The following EXOC4 variants were observed in gnomAD, a reference collection of about 807,000 sequenced individuals.
EXOC4 encodes the protein SEC8-like 1.
A neutral mutation model predicts 107.2 loss-of-function variants in EXOC4; 71 were observed. The observed-to-expected ratio is 0.66, with a 90% confidence interval of 0.55 to 0.81. The LOEUF is 0.81. EXOC4 is among the 30% of genes least tolerant of loss of function. The pLI is 0.00. For missense variants in EXOC4, 1,108 were observed against 1,189.6 expected (o/e 0.93, Z 1.01); for synonymous variants, 456 against 441.2 (o/e 1.03, Z -0.42).
chr7:133,492,193 A>T (rs1197824563), intron 9 of EXOC4, among the ~76,000 whole-genome samples: 1 of 152,160 alleles, frequency 6.6e-6, no homozygotes, highest in Non-Finnish European at 1.5e-5. Context: ...TTGTTATTTC[A>T]GGTGAGAGCT....
At chr7:133,389,122 A>G (rs887786797) in intron 7 of EXOC4, among the ~76,000 whole-genome samples, 3 of 152,140 alleles carry the variant, frequency 2.0e-5, no homozygotes, top group African/African-American at 7.2e-5. Flanking sequence ...ATGAATTGGT[A>G]GAGGAGAAAT....
chr7:134,084,707 C>T, the EXOC4 span, among the ~76,000 whole-genome samples: 12 of 94,832 alleles, frequency 1.3e-4, no homozygotes, highest in African/African-American at 8.6e-4. Context: ...TTGGTGCAGC[C>T]GTAAAAAAAA....
At chr7:133,438,350 T>C (rs1337771249) in intron 7 of EXOC4, among the ~76,000 whole-genome samples, 1 of 152,196 alleles carries the variant, frequency 6.6e-6, no homozygotes, top group Non-Finnish European at 1.5e-5. Flanking sequence ...AAATAGTTCT[T>C]ATATTAGTTT....
At chr7:134,070,738 C>G (rs1255316043), downstream of EXOC4, among the ~76,000 whole-genome samples, 2 of 151,798 alleles carry the variant, frequency 1.3e-5, no homozygotes, top group Admixed American at 1.3e-4. Context: ...CACATGCATA[C>G]TATTAAGATG....
At chr7:133,514,224 G>A (rs1050073626) in intron 9 of EXOC4, among the ~76,000 whole-genome samples, 28 of 151,744 alleles carry the variant, frequency 1.8e-4, no homozygotes, top group African/African-American at 6.8e-4. Context: ...GAGTGCATTG[G>A]CGCGATCTCA....
intron 10 of EXOC4, among the ~76,000 whole-genome samples, chr7:133,652,264 T>G (rs1803176258): frequency 6.6e-6 from 1 of 152,206 alleles, no homozygotes; most frequent in East Asian, 1.9e-4. Flanking sequence ...AGCCTAGACA[T>G]ATAGTATCTT....
intron 10 of EXOC4, among the ~76,000 whole-genome samples, chr7:133,779,992 G>T (rs764524064): frequency 6.6e-6 from 1 of 152,150 alleles, no homozygotes; most frequent in African/African-American, 2.4e-5. Context: ...TTAAGTCAGC[G>T]AGACTGTGTA....
chr7:133,826,568 C>G (rs939681785), intron 11 of EXOC4, among the ~76,000 whole-genome samples: 12 of 152,114 alleles, frequency 7.9e-5, no homozygotes, highest in Admixed American at 5.9e-4. Flanking sequence ...TTCAGTAGGG[C>G]TTTATGAAGT....
At chr7:134,079,699 A>C in the EXOC4 span, among the ~76,000 whole-genome samples, 1 of 152,306 alleles carries the variant, frequency 6.6e-6, no homozygotes, top group African/African-American at 2.4e-5. Context: ...CTTCAGATGC[A>C]GTGTCAGTTC....
Position 133,553,998 on chromosome 7 carries a change from C to T in EXOC4, c.1417+73860C>T, listed in dbSNP as rs149636773. 2.4e-3 allele frequency among the ~76,000 whole-genome samples: 365 copies of T among 151,992 alleles called. 3 individuals are homozygous for T. Among genetic ancestry groups the T allele is most frequent in the African/African-American group, 8.3e-3 (346 of 41,466 alleles). On this transcript the variant is annotated intron_variant, in intron 9 of 17. Coordinates refer to ENST00000253861, the MANE Select transcript of EXOC4 (RefSeq NM_021807.4). ...TTAATACATCATATAATATAAATTC[C>T]ATAGGAAATAGCTGTTTAGGGGAAT...
At chr7:133,594,892 A>T (rs1433795389) in intron 9 of EXOC4, among the ~76,000 whole-genome samples, 4 of 152,200 alleles carry the variant, frequency 2.6e-5, no homozygotes, top group African/African-American at 7.2e-5. Flanking sequence ...AAGTATAATG[A>T]TAAAAATGAA....
chr7:133,595,606 G>A (rs1008620103), intron 9 of EXOC4, among the ~76,000 whole-genome samples: 1 of 152,082 alleles, frequency 6.6e-6, no homozygotes, highest in South Asian at 2.1e-4. Context: ...TTTAATCCTT[G>A]TTATAGCCTT....
At position 133,508,567 on chromosome 7, in the gene EXOC4, C is replaced by T. The variant is rs10275598; in HGVS notation, c.1417+28429C>T. Among the ~76,000 whole-genome samples the T allele has an allele frequency of 1.1e-3, 160 of 152,226 alleles. 1 individual carries two copies. The highest frequency in any genetic ancestry group is 3.5e-3 in the African/African-American group (147 of 41,532). On this transcript the variant is annotated intron_variant, in intron 9 of 17. Coordinates refer to ENST00000253861, the MANE Select transcript of EXOC4 (RefSeq NM_021807.4). ...ATCAAACCTAATAGAATTATGCATG[C>T]GCTGTAAGAGATCATCAACCTTACA... is the stretch of plus-strand genomic sequence containing the variant.
At chr7:133,656,745 G>A (rs546803030) in intron 10 of EXOC4, among the ~76,000 whole-genome samples, 24 of 152,246 alleles carry the variant, frequency 1.6e-4, no homozygotes, top group East Asian at 5.8e-4. Context: ...GACTTACTAC[G>A]TATGATTTGT....
intron 5 of EXOC4, among the ~76,000 whole-genome samples, chr7:133,341,717 G>A (rs1486423947): frequency 2.0e-5 from 3 of 151,998 alleles, no homozygotes; most frequent in Non-Finnish European, 4.4e-5. Context: ...GGAGCTCCAG[G>A]GTTAGGTATA....
At chr7:133,734,839 A>G (rs1353429242) in intron 10 of EXOC4, among the ~76,000 whole-genome samples, 1 of 152,018 alleles carries the variant, frequency 6.6e-6, no homozygotes, top group Non-Finnish European at 1.5e-5. Flanking sequence ...AGAGATACTC[A>G]ACCTGTATCG....
At chr7:133,649,420 A>C (rs759917737) in intron 10 of EXOC4, among the ~76,000 whole-genome samples, 1 of 150,902 alleles carries the variant, frequency 6.6e-6, no homozygotes. Context: ...CTGGCTCTGT[A>C]ACATATTCTG....
intron 9 of EXOC4, among the ~76,000 whole-genome samples, chr7:133,524,739 C>T (rs530782873): frequency 1.3e-5 from 2 of 152,206 alleles, no homozygotes; most frequent in South Asian, 4.1e-4. Context: ...TGTCAAAGAT[C>T]AGATAGTTGT....
At chr7:133,362,831 T>C (rs1485671633) in intron 6 of EXOC4, among the ~76,000 whole-genome samples, 2 of 152,236 alleles carry the variant, frequency 1.3e-5, no homozygotes, top group African/African-American at 4.8e-5. Flanking sequence ...GTTTTATCTC[T>C]TCTTTCTATA....
Sources: allele counts gnomAD v4.1 joint callset (sites outside exome capture counted in the v4.1 genomes callset), GRCh38; gene constraint gnomAD v4.1.1; transcripts MANE v1.5; gene names NCBI Gene and HGNC (gene_info 2026-07-23, HGNC 2026-07-21).